Variants in RASAL3 observed in about 807,000 individuals in gnomAD.
RASAL3 encodes RAS protein activator like 3.
In RASAL3, 74 loss-of-function variants were observed where a neutral mutation model predicts 105.5. The ratio of observed to expected loss-of-function variants is 0.70; its 90% CI spans 0.58 to 0.85. The LOEUF (loss-of-function observed/expected upper bound fraction) is 0.85. Ranked by LOEUF, RASAL3 falls within the 40% of genes least tolerant of loss-of-function variation. The pLI is 0.00. For missense variants in RASAL3, 1,352 were observed against 1,392.0 expected, an observed-to-expected ratio of 0.97 and a Z score of 0.46; for synonymous variants, 579 against 591.6, an observed-to-expected ratio of 0.98 and a Z score of 0.31.
At position 15,460,127 on chromosome 19, in the gene RASAL3, G is replaced by A. The variant is rs536913426; in HGVS notation, c.662+76C>T. 1.4e-5 allele frequency: 17 copies of A among 1,239,418 alleles called. No homozygotes were observed. The African/African-American group carries it at 2.1e-4, about 16-fold the overall frequency. The allele number at this position is 1,239,418 out of a possible 1,614,324, so 76.8% of individuals were successfully genotyped here. A position where few individuals can be genotyped will look rare whatever the true frequency, so the allele number is the denominator to read the frequency against. On this transcript the variant is annotated intron_variant, in intron 6 of 17. Transcript: ENST00000343625. ...CCACAGGGGGTGTTTGGTGTAGATT[G>A]GAATGATATGCAGGAGGTGGAGGAG...
Position 15,458,669 on chromosome 19 carries a change from G to T in RASAL3, c.663-14C>A. 1 of 1,610,880 alleles carries T rather than the reference G, an allele frequency of 6.2e-7. No individual in the cohort carries two copies. The highest frequency in any genetic ancestry group is 8.5e-7 in the Non-Finnish European group (1 of 1,178,740). Reference sequence around the variant, plus strand: ...GCACTGGGGGGTCTGGGAAGGGGGTGGGTGAGCACACCGTCATTCCTGCCT... The same window carrying T: ...GCACTGGGGGGTCTGGGAAGGGGGTTGGTGAGCACACCGTCATTCCTGCCT... On this transcript the variant is annotated splice_polypyrimidine_tract_variant and intron_variant, in intron 6 of 17. Coordinates refer to ENST00000343625, the MANE Select transcript of RASAL3 (RefSeq NM_022904.3).
Position 15,464,178 on chromosome 19 carries a change from G to A in RASAL3, c.181C>T (p.Pro61Ser). Residue 61 changes from proline (P) to serine (S), a missense_variant, in exon 2 of 18, where the codon CCA (proline) becomes TCA (serine). Physicochemically the swap from Pro to Ser is moderately conservative, Grantham distance 74. Transcript: ENST00000343625. Reference protein sequence around the residue: ...SHQEPMVSTQPAPRSIFRRVL... With the variant: ...SHQEPMVSTQSAPRSIFRRVL... Reference sequence around the variant, plus strand: ...CGACGGAATATCGAGCGAGGGGCTGGCTGGGTGCTGACCATGGGCTCCTGG... The same window carrying A: ...CGACGGAATATCGAGCGAGGGGCTGACTGGGTGCTGACCATGGGCTCCTGG... The A allele has an allele frequency of 6.2e-7, 1 of 1,612,682 alleles. No individual in the cohort carries two copies. The highest frequency in any genetic ancestry group is 8.5e-7 in the Non-Finnish European group (1 of 1,179,628).
intron 6 of RASAL3, among the ~76,000 whole-genome samples, chr19:15,459,074 G>A (rs1174269575): frequency 6.6e-6 from 1 of 151,842 alleles, no homozygotes; most frequent in African/African-American, 2.4e-5. Flanking sequence ...GGGATCACAG[G>A]TGCCCACCAC....
rs1192600484 is a variant in RASAL3, at chr19:15,456,955, C to G, written c.1432-309G>C. 2.1e-6 allele frequency: 1 copy of G among 483,114 alleles called. No individual in the cohort carries two copies. Among genetic ancestry groups the G allele is most frequent in the Admixed American group, 3.5e-5 (1 of 28,932 alleles). 29.9% of individuals were successfully genotyped at this position (483,114 alleles called of 1,614,324 possible). ...CCGCCCCTTATGGGTGATAATTAGG[C>G]CCCGCCCCTCACAGCTGAAGCTCAG... On this transcript the variant is annotated intron_variant, in intron 9 of 17. Transcript: ENST00000343625. This position sits in a 1 kb window ranked among gnomAD's most constrained non-coding sequence, Gnocchi z 4.4.
At chr19:15,463,587 C>A (rs1399344894) in intron 2 of RASAL3, among the ~76,000 whole-genome samples, 2 of 152,180 alleles carry the variant, frequency 1.3e-5, no homozygotes, top group Non-Finnish European at 2.9e-5. Context: ...ATTATATACT[C>A]TCCAAAATGG....
Position 15,457,272 on chromosome 19 carries a change from G to T in RASAL3, c.1431+20C>A. 7.9e-7 allele frequency: 1 copy of T among 1,262,044 alleles called. No individual in the cohort carries two copies. Among genetic ancestry groups the T allele is most frequent in the Non-Finnish European group, 1.0e-6 (1 of 1,002,914 alleles). 78.2% of individuals were successfully genotyped at this position (1,262,044 alleles called of 1,614,324 possible). A position where few individuals can be genotyped will look rare whatever the true frequency, so the allele number is the denominator to read the frequency against. On this transcript the variant is annotated intron_variant, in intron 9 of 17. Coordinates refer to ENST00000343625, the MANE Select transcript of RASAL3 (RefSeq NM_022904.3). This position sits in a 1 kb window ranked among gnomAD's most constrained non-coding sequence, Gnocchi z 8.6. ...GGTCTACCCCTGGTAGCCCCGGTCC[G>T]CGCTGTCGCGGTGCCGCACCTGCGC...
chr19:15,457,952 G>T lies in RASAL3; in HGVS notation c.889-118C>A. ...GCGTCGGGTCCCTAGGGAGATTGCTGGGCCTTTGGGGAAAGAAGTGGAGCC... is the reference window on the plus strand; with the variant it reads ...GCGTCGGGTCCCTAGGGAGATTGCTTGGCCTTTGGGGAAAGAAGTGGAGCC... On this transcript the variant is annotated intron_variant, in intron 8 of 17. Transcript: ENST00000343625. The surrounding 1 kb of genome is among the most constrained non-coding windows in gnomAD (Gnocchi z 8.6). The T allele has an allele frequency of 8.4e-7, 1 of 1,196,994 alleles. No homozygotes were observed. The highest frequency in any genetic ancestry group is 1.2e-6 in the Non-Finnish European group (1 of 863,078). The allele number at this position is 1,196,994 out of a possible 1,614,324, so 74.1% of individuals were successfully genotyped here. A position where few individuals can be genotyped will look rare whatever the true frequency, so the allele number is the denominator to read the frequency against.
At chr19:15,459,646 T>G (rs1970447106) in intron 6 of RASAL3, among the ~76,000 whole-genome samples, 1 of 151,830 alleles carries the variant, frequency 6.6e-6, no homozygotes, top group Non-Finnish European at 1.5e-5. Flanking sequence ...CAAGCAATCC[T>G]CCCACTCAGC....
chr19:15,456,354 T>C lies in RASAL3; in HGVS notation c.1577-106A>G, dbSNP rs1970319328. The C allele has an allele frequency of 1.3e-6, 2 of 1,537,890 alleles. No homozygotes were observed. Among genetic ancestry groups the C allele is most frequent in the South Asian group, 1.2e-5 (1 of 82,118 alleles). On this transcript the variant is annotated intron_variant, in intron 10 of 17. Transcript: ENST00000343625. This position sits in a 1 kb window ranked among gnomAD's most constrained non-coding sequence, Gnocchi z 4.4. ...GGTTATTCCGGAGGCACCCAACATC[T>C]TGGGGAGCTCCCAATTGTCCCCAGG...
rs1167621051 is a variant in RASAL3, at chr19:15,451,918, CATCTCATTTAGGCGGTGCT to C, written c.2894_2912del (p.Glu965GlyfsTer8). The C allele has an allele frequency of 3.1e-6, 5 of 1,608,368 alleles. No homozygotes were observed. The highest frequency in any genetic ancestry group is 3.4e-6 in the Non-Finnish European group (4 of 1,175,286). On this transcript the variant is annotated frameshift_variant and splice_region_variant, in exon 18 of 18. Transcript: ENST00000343625. LOFTEE classifies it low-confidence loss of function (END_TRUNC). ...CCCTCAGCTGAGCCTGAGTTCTCTC[CATCTCATTTAGGCGGTGCT>C]CCTGGGGAGGCAGTGGTGATGGGGT...
Position 15,453,569 on chromosome 19 carries a change from G to A in RASAL3, c.2280-72C>T. ...CGACCCCATCCCGACCTGACCAGAA[G>A]TGACCTCACCCCCCACGTGAACTTG... On this transcript the variant is annotated intron_variant, in intron 14 of 17. Coordinates refer to ENST00000343625, the MANE Select transcript of RASAL3 (RefSeq NM_022904.3). The surrounding 1 kb of genome is among the most constrained non-coding windows in gnomAD (Gnocchi z 4.2). The A allele has an allele frequency of 1.4e-6, 2 of 1,384,634 alleles. No individual in the cohort carries two copies. The highest frequency in any genetic ancestry group is 9.4e-7 in the Non-Finnish European group (1 of 1,060,726). The allele number at this position is 1,384,634 out of a possible 1,614,324, so 85.8% of individuals were successfully genotyped here.
In RASAL3 at chr19:15,456,785, G is replaced by A. The variant is rs1970335461; in HGVS notation, c.1432-139C>T. ...CTTAGGCCCAGTCCTTACTGCTGGG[G>A]CTCATAACCGAGGCCGGAACCTCTA... On this transcript the variant is annotated intron_variant, in intron 9 of 17. Coordinates refer to ENST00000343625, the MANE Select transcript of RASAL3 (RefSeq NM_022904.3). This position sits in a 1 kb window ranked among gnomAD's most constrained non-coding sequence, Gnocchi z 4.4. 1.9e-6 allele frequency: 2 copies of A among 1,054,202 alleles called. No homozygotes were observed. Among genetic ancestry groups the A allele is most frequent in the Non-Finnish European group, 1.3e-6 (1 of 741,560 alleles). 65.3% of individuals were successfully genotyped at this position (1,054,202 alleles called of 1,614,324 possible). A position where few individuals can be genotyped will look rare whatever the true frequency, so the allele number is the denominator to read the frequency against.
chr19:15,459,261 A>ATTTATTTATTTATTTAT (rs1970435136), intron 6 of RASAL3, among the ~76,000 whole-genome samples: 2 of 147,262 alleles, frequency 1.4e-5, no homozygotes, highest in African/African-American at 5.0e-5. Context: ...TTATTTATTT[A>ATTTATTTATTTATTTAT]TTGAGATGGA....
At chr19:15,460,921 A>G in intron 5 of RASAL3, 139 bp downstream of exon 5, 1 of 753,998 alleles carries the variant, frequency 1.3e-6, no homozygotes, top group South Asian at 1.6e-5. Flanking sequence ...CATTAGCTTC[A>G]TTTGACAGAC....
rs374100849 is a variant in RASAL3 at position 15,464,092 on chromosome 19, G to A, written c.267C>T (p.Leu89=). The A allele has an allele frequency of 2.6e-4, 417 of 1,607,756 alleles. No homozygotes were observed. The African/African-American group carries it at 5.0e-3, about 19-fold the overall frequency. Residue 89 remains leucine, a synonymous_variant, in exon 2 of 18, where the codon CTC becomes CTT. Coordinates refer to ENST00000343625, the MANE Select transcript of RASAL3 (RefSeq NM_022904.3). ...GCGGTGGGTTCTTATGCCTCCCCCA[G>A]AGGGCCTTGGAGAGTCGAAGGCGAC... is the stretch of plus-strand genomic sequence containing the variant. ...RTSRLRLSKA[L]WGRHKNPPPE... is the part of the protein sequence containing the mutation.
intron 7 of RASAL3, 22 bp from the exon 8 acceptor site, chr19:15,458,448 C>T (rs759027354): frequency 6.2e-7 from 1 of 1,613,358 alleles, no homozygotes; most frequent in Non-Finnish European, 8.5e-7. Flanking sequence ...GAGAATCCAA[C>T]GGTGTGATCG....
Position 15,464,054 on chromosome 19 carries a change from G to C in RASAL3, c.305C>G (p.Pro102Arg). ...ACCTGGGGCCTCCTGCTCCGGCTCC[G>C]GGTCTGGCTCCGGCGGTGGGTTCTT... ...RHKNPPPEPD[P>R]EPEQEAPELE... The change falls in exon 2 of 18, where the codon CCG (proline) becomes CGG (arginine). Residue 102 changes from proline to arginine, a missense_variant. By Grantham distance (103) the Pro-to-Arg change is moderately radical. Transcript: ENST00000343625. 1 of 1,575,814 alleles carries C rather than the reference G, an allele frequency of 6.3e-7. No individual in the cohort carries two copies.
rs1372609231 is a variant in RASAL3, at chr19:15,456,683, G to T, written c.1432-37C>A. The T allele has an allele frequency of 6.2e-7, 1 of 1,600,858 alleles. No individual in the cohort carries two copies. The highest frequency in any genetic ancestry group is 1.1e-5 in the South Asian group (1 of 89,664). On this transcript the variant is annotated intron_variant, in intron 9 of 17. Transcript: ENST00000343625. This position sits in a 1 kb window ranked among gnomAD's most constrained non-coding sequence, Gnocchi z 4.4. The stretch of plus-strand genomic sequence containing the variant: ...AGGAGGTCAGGTTGCACCAGATGCA[G>T]ACAGAGTCCAAGGGAATTCGGATCC...
At chr19:15,452,303 C>T in intron 16 of RASAL3, 195 bp from the exon 17 acceptor site, 1 of 630,452 alleles carries the variant, frequency 1.6e-6, no homozygotes, top group Middle Eastern at 4.2e-4. Context: ...CAGGACCTAT[C>T]AATCATCCCT....
Sources: gnomAD v4.1 joint callset for allele counts (sites outside exome capture counted in the v4.1 genomes callset) on GRCh38, gnomAD v4.1.1 for gene constraint, Gnocchi (gnomAD v3.1) non-coding constraint, MANE v1.5 for transcripts, NCBI Gene and HGNC (gene_info 2026-07-23, HGNC 2026-07-21) for gene names.